CDH18: variants seen among roughly 807,000 people sequenced by gnomAD.
CDH18 encodes the protein cadherin-18.
In CDH18, 31 loss-of-function variants were observed where a neutral mutation model predicts 67.9. The observed-to-expected ratio is 0.46, with a 90% CI of 0.34 to 0.62. The LOEUF (loss-of-function observed/expected upper bound fraction) is 0.62. CDH18 is among the 20% of genes least tolerant of loss of function. The pLI is 0.01. For synonymous variants in CDH18, 362 were observed against 347.2 expected (o/e 1.04, Z -0.48); for missense variants, 890 against 975.5 (o/e 0.91, Z 1.17).
intron 2 of CDH18, among the ~76,000 whole-genome samples, chr5:19,934,793 C>T (rs962970829): frequency 1.3e-5 from 2 of 151,218 alleles, no homozygotes; most frequent in Admixed American, 6.6e-5. Flanking sequence ...TTATTAATAA[C>T]CTTGCACAGA....
chr5:19,826,339 T>A (rs950945474), intron 3 of CDH18, among the ~76,000 whole-genome samples: 13 of 152,068 alleles, frequency 8.5e-5, no homozygotes, highest in African/African-American at 3.1e-4. Flanking sequence ...TCCCCAAACT[T>A]GCTAAGGAGG....
chr5:19,754,765 A>G (rs1581203058), intron 3 of CDH18, among the ~76,000 whole-genome samples: 2 of 152,214 alleles, frequency 1.3e-5, no homozygotes, highest in African/African-American at 4.8e-5. Context: ...GATAGGCCAC[A>G]AAATGAGCCT....
intron 1 of CDH18, among the ~76,000 whole-genome samples, chr5:20,290,288 C>A (rs1279160328): frequency 3.3e-5 from 5 of 152,108 alleles, no homozygotes; most frequent in African/African-American, 1.2e-4. Flanking sequence ...AGAATCACTG[C>A]TCAACACACA....
At chr5:19,926,155 A>G (rs1212438116) in intron 2 of CDH18, among the ~76,000 whole-genome samples, 1 of 152,144 alleles carries the variant, frequency 6.6e-6, no homozygotes. Context: ...AAAATTGCAT[A>G]TAAGTTGACC....
intron 8 of CDH18, among the ~76,000 whole-genome samples, chr5:19,559,130 T>C (rs1738986412): frequency 6.6e-6 from 1 of 152,166 alleles, no homozygotes; most frequent in Admixed American, 6.5e-5. Context: ...TTATTTATCT[T>C]TTTAAAGAAC....
intron 2 of CDH18, among the ~76,000 whole-genome samples, chr5:20,108,284 G>A (rs1479900041): frequency 6.6e-6 from 1 of 151,712 alleles, no homozygotes; most frequent in South Asian, 2.1e-4. Flanking sequence ...TAGAGACAAG[G>A]TTTCACCATG....
intron 1 of CDH18, among the ~76,000 whole-genome samples, chr5:20,482,171 C>A (rs545225325): frequency 5.3e-5 from 8 of 151,600 alleles, no homozygotes; most frequent in Non-Finnish European, 1.2e-4. Flanking sequence ...CTATGCCAAC[C>A]AACTAAAAAA....
intron 2 of CDH18, among the ~76,000 whole-genome samples, chr5:20,108,769 T>C (rs563632024): frequency 5.2e-4 from 79 of 152,266 alleles, no homozygotes; most frequent in African/African-American, 1.7e-3. Flanking sequence ...TTATCATATG[T>C]CACAGATTTT....
intron 5 of CDH18, among the ~76,000 whole-genome samples, chr5:19,656,660 A>C (rs932634093): frequency 1.3e-5 from 2 of 152,064 alleles, no homozygotes; most frequent in African/African-American, 4.8e-5. Flanking sequence ...AGAAAAATAG[A>C]AACTGATGAC....
chr5:20,278,369 C>A (rs961491786), intron 1 of CDH18, among the ~76,000 whole-genome samples: 1 of 151,360 alleles, frequency 6.6e-6, no homozygotes. Context: ...AGATTTAAAG[C>A]GCTGAAGGAA....
At chr5:20,156,565 G>C (rs898133157) in intron 2 of CDH18, among the ~76,000 whole-genome samples, 4 of 152,046 alleles carry the variant, frequency 2.6e-5, no homozygotes, top group African/African-American at 9.7e-5. Flanking sequence ...TAGACAATGG[G>C]GACTCCAGAA....
intron 1 of CDH18, among the ~76,000 whole-genome samples, chr5:20,492,379 CTTTCA>C (rs1245136854): frequency 1.3e-5 from 2 of 152,042 alleles, no homozygotes; most frequent in Non-Finnish European, 2.9e-5. Context: ...GCAGTTATTT[CTTTCA>C]TTTAACAATT....
At chr5:19,583,657 T>C (rs1364833970) in intron 7 of CDH18, among the ~76,000 whole-genome samples, 1 of 152,092 alleles carries the variant, frequency 6.6e-6, no homozygotes, top group Non-Finnish European at 1.5e-5. Flanking sequence ...ATTGAGGTAG[T>C]ATTAGATAGT....
intron 5 of CDH18, among the ~76,000 whole-genome samples, chr5:19,651,486 T>C (rs79659809): frequency 0.011 from 1,599 of 152,160 alleles, 26 homozygotes; most frequent in African/African-American, 0.037. Flanking sequence ...CAGCATACCC[T>C]ATCAGTATCA....
chr5:20,284,700 C>T (rs895011845), intron 1 of CDH18, among the ~76,000 whole-genome samples: 7 of 152,054 alleles, frequency 4.6e-5, no homozygotes, highest in Admixed American at 2.0e-4. Context: ...TGAGATCCTG[C>T]TAATTTAGCA....
At chr5:20,352,435 G>A (rs1241318721) in intron 1 of CDH18, among the ~76,000 whole-genome samples, 1 of 151,922 alleles carries the variant, frequency 6.6e-6, no homozygotes, top group Non-Finnish European at 1.5e-5. Context: ...CTTGGTTGTT[G>A]AAAGGTCTAC....
At chr5:20,345,871 G>A (rs183845593) in intron 1 of CDH18, among the ~76,000 whole-genome samples, 2 of 152,088 alleles carry the variant, frequency 1.3e-5, no homozygotes, top group Non-Finnish European at 2.9e-5. Flanking sequence ...CTGCGGACGG[G>A]GGCCACCCTC....
rs1351361955 is a variant in CDH18 at position 20,095,444 on chromosome 5, A to AAAGG, written c.-517-103431_-517-103430insCCTT. Reference sequence around the variant, plus strand: ...GAAAGAAAGAAAGAAAGAAAGAAAGAAAAGAAAGAAAGAAAGAAGAAAGAA... The same window carrying AAAGG: ...GAAAGAAAGAAAGAAAGAAAGAAAGAAAGGAAAGAAAGAAAGAAAGAAGAAAGAA... On this transcript the variant is annotated intron_variant, in intron 2 of 14. Coordinates refer to the CDH18 transcript ENST00000507958. Among the ~76,000 whole-genome samples, 170 of 81,912 alleles carry AAAGG rather than the reference A, an allele frequency of 2.1e-3. 1 individual carries two copies. Among genetic ancestry groups the AAAGG allele is most frequent in the African/African-American group, 6.6e-3 (144 of 21,742 alleles). 53.7% of individuals were successfully genotyped at this position (81,912 alleles called of 152,430 possible).
intron 2 of CDH18, among the ~76,000 whole-genome samples, chr5:20,238,310 A>T (rs1250029382): frequency 6.6e-6 from 1 of 152,114 alleles, no homozygotes; most frequent in Non-Finnish European, 1.5e-5. Context: ...ATAAACTGAG[A>T]GAAATTATTT....
Sources: allele counts gnomAD v4.1 joint callset (sites outside exome capture counted in the v4.1 genomes callset), GRCh38; gene constraint gnomAD v4.1.1; transcripts MANE v1.5; gene names NCBI Gene and HGNC (gene_info 2026-07-23, HGNC 2026-07-21).